The following SPOCK2 variants were observed in gnomAD, a reference collection of about 807,000 sequenced individuals.
SPOCK2 encodes testican-2.
In SPOCK2, 39 loss-of-function variants were observed where a neutral mutation model predicts 60.1. That is an observed-to-expected ratio of 0.65 (90% CI 0.50 to 0.85). The LOEUF is 0.85. SPOCK2 is among the 40% of genes least tolerant of loss of function. The probability of loss-of-function intolerance (pLI) is 0.00; values close to 1 mark genes in which losing one functional copy is unlikely to be tolerated. For synonymous variants in SPOCK2, 217 were observed against 231.5 expected (o/e 0.94, Z 0.57); for missense variants, 523 against 567.4 (o/e 0.92, Z 0.80).
In SPOCK2 at chr10:72,062,989, G is replaced by A. The variant is rs1840515640; in HGVS notation, c.1129+36C>T. 1 of 1,570,394 alleles carries A rather than the reference G, an allele frequency of 6.4e-7. No individual in the cohort carries two copies. The highest frequency in any genetic ancestry group is 8.6e-7 in the Non-Finnish European group (1 of 1,159,226). On this transcript the variant is annotated intron_variant, in intron 10 of 10. Transcript: ENST00000373109. The surrounding 1 kb of genome is among the most constrained non-coding windows in gnomAD (Gnocchi z 4.3). Reference sequence around the variant, plus strand: ...TCCCACGACAAGGGCCCCCAGGCCTGGGCCCCCAGCAGGCCCTGAGCTGCC... The same window carrying A: ...TCCCACGACAAGGGCCCCCAGGCCTAGGCCCCCAGCAGGCCCTGAGCTGCC...
chr10:72,070,517 G>C, intron 4 of SPOCK2, 91 bp from the exon 5 acceptor site: 1 of 1,224,164 alleles, frequency 8.2e-7, no homozygotes, highest in Non-Finnish European at 1.2e-6. Context: ...GTTCCAACAG[G>C]AAGGCAGCAG....
At chr10:72,086,308 C>T in intron 1 of SPOCK2, 1 of 991,242 alleles carries the variant, frequency 1.0e-6, no homozygotes, top group South Asian at 4.6e-5. Flanking sequence ...GGTGGGTAGC[C>T]CAGTGCCATG....
intron 4 of SPOCK2, 94 bp from the exon 5 acceptor site, chr10:72,070,520 G>A: frequency 8.3e-7 from 1 of 1,208,074 alleles, no homozygotes; most frequent in Non-Finnish European, 1.2e-6. Context: ...CCAACAGGAA[G>A]GCAGCAGCAA....
chr10:72,087,816 C>T lies in SPOCK2; in HGVS notation c.189+324G>A, dbSNP rs1432349720. Among the ~76,000 whole-genome samples, 6 of 152,058 alleles carry T rather than the reference C, an allele frequency of 3.9e-5. No homozygotes were observed. The highest frequency in any genetic ancestry group is 5.9e-5 in the Non-Finnish European group (4 of 67,960). On this transcript the variant is annotated intron_variant, in intron 1 of 10. Coordinates refer to ENST00000373109, the MANE Select transcript of SPOCK2 (RefSeq NM_001244950.2). This position sits in a 1 kb window ranked among gnomAD's most constrained non-coding sequence, Gnocchi z 4.7. ...GACCGGGTCGGGGTCCAGCGGCAGC[C>T]GGGGTCCGGGTCCCCCCGGCCCCGC...
intron 8 of SPOCK2, among the ~76,000 whole-genome samples, 196 bp from the exon 9 acceptor site, chr10:72,064,436 G>A (rs182659406): frequency 1.3e-5 from 2 of 152,268 alleles, no homozygotes; most frequent in Admixed American, 6.5e-5. Context: ...TCTATTTAGG[G>A]GAGCTCATTC....
intron 1 of SPOCK2, chr10:72,086,535 C>T: frequency 2.6e-6 from 3 of 1,136,386 alleles, no homozygotes; most frequent in Admixed American, 4.7e-5. Context: ...CCGGATGGGC[C>T]GGCCTGCTGC....
chr10:72,071,179 T>C (rs1166138593), intron 4 of SPOCK2, among the ~76,000 whole-genome samples: 2 of 151,934 alleles, frequency 1.3e-5, no homozygotes, highest in African/African-American at 4.8e-5. Flanking sequence ...CTTCCTTTTT[T>C]TGTTTGTTTT....
intron 5 of SPOCK2, 130 bp from the exon 6 acceptor site, chr10:72,068,431 A>C: frequency 1.0e-6 from 1 of 964,062 alleles, no homozygotes; most frequent in Non-Finnish European, 1.5e-6. Context: ...GAACAGCCTG[A>C]AGGGTCCTCT....
chr10:72,079,671 C>T (rs1454610800), intron 1 of SPOCK2, among the ~76,000 whole-genome samples: 1 of 152,142 alleles, frequency 6.6e-6, no homozygotes, highest in East Asian at 1.9e-4. Context: ...TTGAATTAAC[C>T]CAATCTCTCC....
chr10:72,072,406 C>T, intron 3 of SPOCK2, 97 bp downstream of exon 3: 1 of 1,567,292 alleles, frequency 6.4e-7, no homozygotes, highest in Non-Finnish European at 8.7e-7. Context: ...CGGGGCCTGG[C>T]TGCTCAAGGA....
In SPOCK2 at chr10:72,060,046, G is replaced by A. The variant is rs573215970; in HGVS notation, c.*2714C>T. 1.0e-4 allele frequency: 16 copies of A among 152,560 alleles called. No individual in the cohort carries two copies. Among genetic ancestry groups the A allele is most frequent in the African/African-American group, 3.4e-4 (14 of 41,574 alleles). 9.5% of individuals were successfully genotyped at this position (152,560 alleles called of 1,614,324 possible). A position where few individuals can be genotyped will look rare whatever the true frequency, so the allele number is the denominator to read the frequency against. Reference sequence around the variant, plus strand: ...TGGGGGCAGGAAGGAGCGAGGCATCGAGGAGAGGGCACTGGAGGGGCTGGG... The same window carrying A: ...TGGGGGCAGGAAGGAGCGAGGCATCAAGGAGAGGGCACTGGAGGGGCTGGG... On this transcript the variant is annotated 3_prime_UTR_variant, in exon 11 of 11. Coordinates refer to ENST00000373109, the MANE Select transcript of SPOCK2 (RefSeq NM_001244950.2).
chr10:72,068,865 C>T (rs1172428799), intron 5 of SPOCK2: 1 of 152,768 alleles, frequency 6.5e-6, no homozygotes, highest in Non-Finnish European at 1.5e-5. Flanking sequence ...AGGGCCTTTT[C>T]TCCTGGTCAT....
At chr10:72,073,349 G>A (rs1419452958) in intron 1 of SPOCK2, among the ~76,000 whole-genome samples, 2 of 152,198 alleles carry the variant, frequency 1.3e-5, no homozygotes, top group East Asian at 3.8e-4. Flanking sequence ...CCCCACTCCT[G>A]ACCTCTGCCC....
chr10:72,084,476 G>A (rs1418773994), intron 1 of SPOCK2, among the ~76,000 whole-genome samples: 1 of 152,114 alleles, frequency 6.6e-6, no homozygotes, highest in Non-Finnish European at 1.5e-5. Flanking sequence ...GGCCTGGGTG[G>A]GGAGTAGGCT....
chr10:72,082,407 G>C (rs1164313419), intron 1 of SPOCK2, among the ~76,000 whole-genome samples: 1 of 152,222 alleles, frequency 6.6e-6, no homozygotes, highest in Non-Finnish European at 1.5e-5. Flanking sequence ...GCGCAGAGAC[G>C]GGGTTGTGGA....
rs141719724 is a variant in SPOCK2 at position 72,071,895 on chromosome 10, G to C, written c.359+249C>G. Among the ~76,000 whole-genome samples, 5 of 151,992 alleles carry C rather than the reference G, an allele frequency of 3.3e-5. No homozygotes were observed. The East Asian group carries it at 7.8e-4, about 24-fold the overall frequency. ...CCTCCAGCCCGACAAGCTTTCAGATGAAACAGCCCCAGCCAGCACCTTGAC... is the reference window on the plus strand; with the variant it reads ...CCTCCAGCCCGACAAGCTTTCAGATCAAACAGCCCCAGCCAGCACCTTGAC... On this transcript the variant is annotated intron_variant, in intron 4 of 10. Coordinates refer to ENST00000373109, the MANE Select transcript of SPOCK2 (RefSeq NM_001244950.2).
At chr10:72,069,468 CTTT>C (rs869082110) in intron 5 of SPOCK2, among the ~76,000 whole-genome samples, 2 of 138,582 alleles carry the variant, frequency 1.4e-5, no homozygotes, top group African/African-American at 2.6e-5. Flanking sequence ...TTCTATGTTA[CTTT>C]TTTTTTTTTT....
At chr10:72,085,753 G>T (rs1840846706) in intron 1 of SPOCK2, among the ~76,000 whole-genome samples, 1 of 152,186 alleles carries the variant, frequency 6.6e-6, no homozygotes, top group Non-Finnish European at 1.5e-5. Context: ...TCTCTCCTTT[G>T]AGGAACCAAG....
chr10:72,067,492 A>C, intron 7 of SPOCK2, 121 bp downstream of exon 7: 1 of 1,504,164 alleles, frequency 6.6e-7, no homozygotes, highest in African/African-American at 1.4e-5. Context: ...TTTGGGGCCC[A>C]GATTGTAGGG....
Sources: allele counts gnomAD v4.1 joint callset (sites outside exome capture counted in the v4.1 genomes callset), GRCh38; gene constraint gnomAD v4.1.1; non-coding constraint Gnocchi (gnomAD v3.1); transcripts MANE v1.5; gene names NCBI Gene and HGNC (gene_info 2026-07-23, HGNC 2026-07-21).